The following AUTS2 variants were observed in gnomAD, a reference collection of about 807,000 sequenced individuals.
AUTS2 encodes activator of transcription and developmental regulator AUTS2, also known as autism susceptibility gene 2 protein.
A neutral mutation model predicts 112.4 loss-of-function variants in AUTS2; 17 were observed. The observed-to-expected ratio is 0.15, with a 90% CI of 0.10 to 0.23. The LOEUF is 0.23. Ranked by LOEUF, AUTS2 falls within the 10% of genes least tolerant of loss-of-function variation. The pLI is 1.00. For synonymous variants in AUTS2, 751 were observed against 702.7 expected, an observed-to-expected ratio of 1.07 and a Z score of -1.09; for missense variants, 1,510 against 1,701.6, an observed-to-expected ratio of 0.89 and a Z score of 1.98.
chr7:69,724,777 GA>G (rs2129221233), intron 1 of AUTS2, among the ~76,000 whole-genome samples: 1 of 152,288 alleles, frequency 6.6e-6, no homozygotes. Flanking sequence ...ATATGGGCGT[GA>G]AAAATGTGGA....
chr7:70,351,353 C>T (rs968926248), intron 4 of AUTS2, among the ~76,000 whole-genome samples: 5 of 152,126 alleles, frequency 3.3e-5, no homozygotes, highest in African/African-American at 9.7e-5. Context: ...CGCGCCCAGC[C>T]GATTTCCTTC....
chr7:69,742,132 A>AG (rs1554359279), intron 1 of AUTS2, among the ~76,000 whole-genome samples: 2 of 77,636 alleles, frequency 2.6e-5, no homozygotes, highest in Non-Finnish European at 5.0e-5. Context: ...TTTTTTTTTG[A>AG]GGGGGGAGGG....
intron 5 of AUTS2, among the ~76,000 whole-genome samples, chr7:70,475,734 C>T (rs1797557084): frequency 6.6e-6 from 1 of 152,110 alleles, no homozygotes; most frequent in Non-Finnish European, 1.5e-5. Context: ...AAGACGAGGC[C>T]ACATGAAAAG....
chr7:70,496,465 TCA>T (rs1372148871), intron 5 of AUTS2, among the ~76,000 whole-genome samples: 57 of 54,636 alleles, frequency 1.0e-3, no homozygotes, highest in African/African-American at 3.7e-3. Flanking sequence ...ACGTACACAG[TCA>T]CACACACACA....
At chr7:70,345,426 A>G (rs1172034137) in intron 4 of AUTS2, among the ~76,000 whole-genome samples, 1 of 152,116 alleles carries the variant, frequency 6.6e-6, no homozygotes, top group Non-Finnish European at 1.5e-5. Context: ...TGGTGGTACC[A>G]CTTTCCAACT....
At chr7:69,662,536 G>A (rs1795850146) in intron 1 of AUTS2, among the ~76,000 whole-genome samples, 1 of 152,178 alleles carries the variant, frequency 6.6e-6, no homozygotes, top group South Asian at 2.1e-4. Context: ...GATCACTCTG[G>A]TTGAGAATTT....
intron 4 of AUTS2, among the ~76,000 whole-genome samples, chr7:70,212,166 T>A (rs1171055712): frequency 6.6e-6 from 1 of 152,216 alleles, no homozygotes; most frequent in East Asian, 1.9e-4. Context: ...GGTGGTGGGA[T>A]CTGAGCACTG....
At chr7:69,648,174 T>A (rs929232932) in intron 1 of AUTS2, among the ~76,000 whole-genome samples, 1 of 152,134 alleles carries the variant, frequency 6.6e-6, no homozygotes, top group Admixed American at 6.5e-5. Flanking sequence ...CTGCATGGGT[T>A]CCCAAAGCAT....
At chr7:69,906,875 G>A (rs528449763) in intron 2 of AUTS2, among the ~76,000 whole-genome samples, 8 of 152,158 alleles carry the variant, frequency 5.3e-5, no homozygotes, top group Non-Finnish European at 1.2e-4. Context: ...GGGAGGCTAA[G>A]GTGGGAGGAT....
intron 2 of AUTS2, among the ~76,000 whole-genome samples, chr7:70,069,147 G>A (rs1458057723): frequency 6.6e-6 from 1 of 152,124 alleles, no homozygotes; most frequent in Non-Finnish European, 1.5e-5. Context: ...TTGGAGCCTG[G>A]GGAGGCAGAA....
At chr7:70,041,504 A>C (rs568764831) in intron 2 of AUTS2, among the ~76,000 whole-genome samples, 1 of 152,240 alleles carries the variant, frequency 6.6e-6, no homozygotes, top group Non-Finnish European at 1.5e-5. Context: ...AGTAATTCAC[A>C]GTATAAGACT....
At chr7:70,580,362 C>T (rs1017216035) in intron 5 of AUTS2, among the ~76,000 whole-genome samples, 3 of 152,170 alleles carry the variant, frequency 2.0e-5, no homozygotes, top group Non-Finnish European at 2.9e-5. Context: ...TGCTTCCTGC[C>T]GGTCCTCCCC....
In AUTS2 at chr7:70,790,204, C is replaced by T; in HGVS notation, c.2988C>T (p.Ala996=). ...AAGACCATGACCTGCCTCCAGAGGCCCCGCAGACCCACCGGGCCTCGGAGC... is the reference window on the plus strand; with the variant it reads ...AAGACCATGACCTGCCTCCAGAGGCTCCGCAGACCCACCGGGCCTCGGAGC... The part of the protein sequence containing the change: ...RKEDHDLPPE[A]PQTHRASEPP... The change falls in exon 19 of 19, where the codon GCC becomes GCT. Residue 996 remains alanine (A), a synonymous_variant. Coordinates refer to ENST00000342771, the MANE Select transcript of AUTS2 (RefSeq NM_015570.4). This position sits in a 1 kb window ranked among gnomAD's most constrained non-coding sequence, Gnocchi z 7.6. The T allele has an allele frequency of 1.9e-6, 3 of 1,612,656 alleles. No individual in the cohort carries two copies. The African/African-American group carries it at 4.0e-5, about 21-fold the overall frequency.
intron 5 of AUTS2, among the ~76,000 whole-genome samples, chr7:70,581,950 T>A (rs1211744114): frequency 6.6e-6 from 1 of 152,150 alleles, no homozygotes; most frequent in Non-Finnish European, 1.5e-5. Flanking sequence ...TTAGTCTATG[T>A]ATAGTAAGGT....
At chr7:70,605,028 TGTG>T (rs774930898) in intron 5 of AUTS2, among the ~76,000 whole-genome samples, 1 of 152,242 alleles carries the variant, frequency 6.6e-6, no homozygotes, top group Non-Finnish European at 1.5e-5. Flanking sequence ...AATCTTTTCT[TGTG>T]GTAATGTTTT....
chr7:70,143,487 G>T (rs928219748), intron 4 of AUTS2, among the ~76,000 whole-genome samples: 1 of 152,196 alleles, frequency 6.6e-6, no homozygotes, highest in African/African-American at 2.4e-5. Context: ...ATAAATCACT[G>T]TTAACAAACC....
rs150941295 is a variant in AUTS2, at chr7:70,743,736, G to A, written c.743-19134G>A. ...TCAGGGCATGCTCTCTTTTCCAGTT[G>A]GTGGGTCTTATTTTGTTTACATCTG... On this transcript the variant is annotated intron_variant, in intron 6 of 18. Transcript: ENST00000342771. Among the ~76,000 whole-genome samples the A allele has an allele frequency of 3.2e-3, 491 of 152,232 alleles. 4 individuals carry two copies. The highest frequency in any genetic ancestry group is 0.027 in the Admixed American group (419 of 15,278).
chr7:70,780,805 T>G (rs1337684375), intron 14 of AUTS2, among the ~76,000 whole-genome samples: 1 of 152,212 alleles, frequency 6.6e-6, no homozygotes, highest in Non-Finnish European at 1.5e-5. Flanking sequence ...GAAAGTTAGC[T>G]TATAGACATG....
intron 6 of AUTS2, among the ~76,000 whole-genome samples, chr7:70,737,692 A>G (rs1373590595): frequency 6.6e-6 from 1 of 152,130 alleles, no homozygotes; most frequent in African/African-American, 2.4e-5. Flanking sequence ...CAGCTCTGTC[A>G]TTACTTTCTT....
Sources: allele counts gnomAD v4.1 joint callset (sites outside exome capture counted in the v4.1 genomes callset), GRCh38; gene constraint gnomAD v4.1.1; non-coding constraint Gnocchi (gnomAD v3.1); transcripts MANE v1.5; gene names NCBI Gene and HGNC (gene_info 2026-07-23, HGNC 2026-07-21).